ALK: variants seen among roughly 807,000 people sequenced by gnomAD.
ALK encodes the protein ALK tyrosine kinase receptor.
ALK carries 74 observed loss-of-function variants against 163.1 expected under a neutral mutation model. The observed-to-expected ratio is 0.45, with a 90% CI of 0.38 to 0.55. The LOEUF is 0.55. Ranked by LOEUF, ALK falls within the 20% of genes least tolerant of loss-of-function variation. The pLI, the probability that ALK is intolerant of heterozygous loss-of-function variation, is 0.00. For synonymous variants in ALK, 960 were observed against 843.2 expected, an observed-to-expected ratio of 1.14 and a Z score of -2.40; for missense variants, 2,063 against 2,105.3, an observed-to-expected ratio of 0.98 and a Z score of 0.39.
chr2:29,896,865 A>C (rs1667285921), intron 1 of ALK, among the ~76,000 whole-genome samples: 1 of 152,252 alleles, frequency 6.6e-6, no homozygotes, highest in South Asian at 2.1e-4. Context: ...AGGTTTCTGT[A>C]TTGTGTAAAT....
intron 3 of ALK, among the ~76,000 whole-genome samples, chr2:29,551,956 A>T (rs954419348): frequency 1.3e-5 from 2 of 152,268 alleles, no homozygotes; most frequent in Non-Finnish European, 2.9e-5. Flanking sequence ...TCACAACCCA[A>T]TTTTAGATAT....
intron 4 of ALK, among the ~76,000 whole-genome samples, chr2:29,481,367 G>T (rs1474640839): frequency 6.6e-6 from 1 of 152,210 alleles, no homozygotes; most frequent in Admixed American, 6.5e-5. Context: ...ATGTGGAAGG[G>T]AAGACAATTA....
chr2:29,686,176 G>C (rs1678234168), intron 3 of ALK, among the ~76,000 whole-genome samples: 2 of 152,180 alleles, frequency 1.3e-5, no homozygotes, highest in Non-Finnish European at 1.5e-5. Flanking sequence ...GCCAATACTA[G>C]TTTTTATCTC....
chr2:29,478,625 T>C (rs944604650), intron 4 of ALK, among the ~76,000 whole-genome samples: 1 of 152,236 alleles, frequency 6.6e-6, no homozygotes, highest in African/African-American at 2.4e-5. Flanking sequence ...GTCATACGCA[T>C]ACGCAAGTCA....
At chr2:29,864,370 A>G (rs188510022) in intron 1 of ALK, among the ~76,000 whole-genome samples, 2 of 152,328 alleles carry the variant, frequency 1.3e-5, no homozygotes, top group African/African-American at 4.8e-5. Context: ...GAGTCTTGGC[A>G]GAGCAGTACT....
At chr2:29,835,695 A>C (rs1211637431) in intron 1 of ALK, among the ~76,000 whole-genome samples, 4 of 152,202 alleles carry the variant, frequency 2.6e-5, no homozygotes, top group Admixed American at 2.6e-4. Context: ...ATGGGACACA[A>C]TTGAATCATG....
rs761999849 is a variant in ALK at position 29,227,010 on chromosome 2, G to T, written c.2979C>A (p.Asp993Glu). ...HYLNCSHCEV[D>E]ECHMDPESHK... Reference sequence around the variant, plus strand: ...GGCTTTCAGGGTCCATGTGACATTCGTCTACCTCACAGTGACTGCAGTTTA... The same window carrying T: ...GGCTTTCAGGGTCCATGTGACATTCTTCTACCTCACAGTGACTGCAGTTTA... The change falls in exon 18 of 29, where the codon GAC (aspartate) becomes GAA (glutamate). Residue 993 changes from aspartate (D) to glutamate (E), a missense_variant. Asp to Glu is a conservative substitution (Grantham distance 45). Around this residue, in one of 5 missense-constraint regions of ALK, gnomAD observed 575 missense variants for 626.6 expected, o/e 0.92. Transcript: ENST00000389048. The surrounding 1 kb of genome is among the most constrained non-coding windows in gnomAD (Gnocchi z 4.4). The T allele has an allele frequency of 1.9e-5, 31 of 1,614,108 alleles. No homozygotes were observed. The highest frequency in any genetic ancestry group is 2.6e-5 in the Non-Finnish European group (31 of 1,180,024).
rs542450361 is a variant in ALK, at chr2:29,255,057, G to A, written c.2042-3790C>T. 8.7e-4 allele frequency among the ~76,000 whole-genome samples: 132 copies of A among 152,330 alleles called. 1 individual carries two copies. The highest frequency in any genetic ancestry group is 3.0e-3 in the African/African-American group (126 of 41,574). ...GTCAGACCCATGATTTATCTTGCCA[G>A]AATTCTGTTGCTCCCAGCAGCCTTC... On this transcript the variant is annotated intron_variant, in intron 11 of 28. Coordinates refer to ENST00000389048, the MANE Select transcript of ALK (RefSeq NM_004304.5).
chr2:29,585,090 A>G (rs1173771962), intron 3 of ALK, among the ~76,000 whole-genome samples: 1 of 152,142 alleles, frequency 6.6e-6, no homozygotes, highest in Admixed American at 6.5e-5. Flanking sequence ...TAACTTGCTT[A>G]TCTATGTTTT....
At chr2:29,906,252 A>T in intron 1 of ALK, among the ~76,000 whole-genome samples, 1 of 152,162 alleles carries the variant, frequency 6.6e-6, no homozygotes, top group Non-Finnish European at 1.5e-5. Context: ...ATTTCTCATT[A>T]TATATTTATT....
At chr2:29,720,977 A>G (rs1237873913) in intron 1 of ALK, among the ~76,000 whole-genome samples, 1 of 152,162 alleles carries the variant, frequency 6.6e-6, no homozygotes, top group Non-Finnish European at 1.5e-5. Flanking sequence ...TTGGGAGATG[A>G]AACGTAGATG....
intron 4 of ALK, among the ~76,000 whole-genome samples, chr2:29,507,139 G>C (rs977021681): frequency 5.9e-5 from 9 of 152,190 alleles, no homozygotes; most frequent in African/African-American, 2.2e-4. Flanking sequence ...TCCATTGACA[G>C]ATGAATGAAT....
At chr2:29,219,642 C>G (rs538627922) in intron 23 of ALK, among the ~76,000 whole-genome samples, 1 of 152,184 alleles carries the variant, frequency 6.6e-6, no homozygotes, top group Non-Finnish European at 1.5e-5. Context: ...ACCTGCAGAC[C>G]CAAGCATGGG....
Position 29,227,608 on chromosome 2 carries a change from A to C in ALK, c.2880T>G (p.Ser960Arg). 1 of 1,614,072 alleles carries C rather than the reference A, an allele frequency of 6.2e-7. No individual in the cohort carries two copies. Among genetic ancestry groups the C allele is most frequent in the Non-Finnish European group, 8.5e-7 (1 of 1,180,008 alleles). Residue 960 changes from serine to arginine, a missense_variant, in exon 17 of 29, where the codon AGT becomes AGG. Ser to Arg is a moderately radical substitution (Grantham distance 110, BLOSUM62 -1). Transcript: ENST00000389048. This position sits in a 1 kb window ranked among gnomAD's most constrained non-coding sequence, Gnocchi z 4.4. ...MDGEDGVSFISPLGILYTPAL... is the reference protein window; with the variant it reads ...MDGEDGVSFIRPLGILYTPAL... Reference sequence around the variant, plus strand: ...CTGGGGTGTACAGGATGCCCAGTGGACTGATGAAGGAAACCCCATCTTCCC... The same window carrying C: ...CTGGGGTGTACAGGATGCCCAGTGGCCTGATGAAGGAAACCCCATCTTCCC...
intron 4 of ALK, among the ~76,000 whole-genome samples, chr2:29,496,043 C>T (rs1672013197): frequency 6.6e-6 from 1 of 152,182 alleles, no homozygotes; most frequent in African/African-American, 2.4e-5. Flanking sequence ...ATCCCCCTCC[C>T]TTTGCGGCCG....
intron 1 of ALK, among the ~76,000 whole-genome samples, chr2:29,780,202 A>G (rs1238014911): frequency 6.6e-6 from 1 of 152,214 alleles, no homozygotes; most frequent in Non-Finnish European, 1.5e-5. Context: ...CAGGCTCTTC[A>G]GCAACCCTCA....
intron 1 of ALK, among the ~76,000 whole-genome samples, chr2:29,839,075 T>C (rs1013335976): frequency 6.6e-6 from 1 of 152,176 alleles, no homozygotes; most frequent in African/African-American, 2.4e-5. Context: ...GTTACACTGA[T>C]AATTATTTAT....
chr2:29,758,930 G>A (rs1680618439), intron 1 of ALK, among the ~76,000 whole-genome samples: 1 of 151,950 alleles, frequency 6.6e-6, no homozygotes, highest in African/African-American at 2.4e-5. Context: ...GGTGTTTCCT[G>A]TCCAACAATT....
At chr2:29,414,831 G>C (rs898386823) in intron 4 of ALK, among the ~76,000 whole-genome samples, 1 of 152,100 alleles carries the variant, frequency 6.6e-6, no homozygotes, top group Non-Finnish European at 1.5e-5. Context: ...TGTGAGACTT[G>C]TCTTTATGTC....
Sources: gnomAD v4.1 joint callset for allele counts (sites outside exome capture counted in the v4.1 genomes callset) on GRCh38, gnomAD v4.1.1 for gene constraint, gnomAD v4.1.1 regional missense constraint, Gnocchi (gnomAD v3.1) non-coding constraint, MANE v1.5 for transcripts, NCBI Gene and HGNC (gene_info 2026-07-23, HGNC 2026-07-21) for gene names.